MEAK7: variants seen among roughly 807,000 people sequenced by gnomAD.
The protein encoded by MEAK7 is MTOR-associated protein MEAK7.
In MEAK7, 68 loss-of-function variants were observed where a neutral mutation model predicts 40.5. The observed-to-expected ratio is 1.68, with a 90% CI of 1.38 to 2.06. The LOEUF is 2.06. MEAK7 is among the 30% of genes most tolerant of loss of function. MEAK7 has a pLI of 0.00. For missense variants in MEAK7, 918 were observed against 580.5 expected (o/e 1.58, Z -5.98); for synonymous variants, 338 against 231.9 (o/e 1.46, Z -4.16).
rs116780205 is a variant in MEAK7 at position 84,500,554 on chromosome 16, T to C, written c.-25-2443A>G. Among the ~76,000 whole-genome samples the C allele has an allele frequency of 2.5e-3, 377 of 152,246 alleles. 4 individuals carry two copies. Among genetic ancestry groups the C allele is most frequent in the African/African-American group, 8.9e-3 (368 of 41,522 alleles). The stretch of plus-strand genomic sequence containing the variant: ...GCACAGGAAGTCTCCACTGGGGGGC[T>C]CCTTGGAAGGGGATGGGGGTGCACT... On this transcript the variant is annotated intron_variant, in intron 1 of 7. Coordinates refer to ENST00000343629, the MANE Select transcript of MEAK7 (RefSeq NM_020947.4).
chr16:84,489,529 CCA>C, intron 3 of MEAK7, 107 bp from the exon 4 acceptor site: 1 of 1,295,952 alleles, frequency 7.7e-7, no homozygotes. Flanking sequence ...CTATGATGGG[CCA>C]CAATGTGGGG....
chr16:84,480,994 TA>T (rs1912486381), intron 6 of MEAK7, among the ~76,000 whole-genome samples: 1 of 152,144 alleles, frequency 6.6e-6, no homozygotes, highest in Non-Finnish European at 1.5e-5. Flanking sequence ...ATCAGAGAAT[TA>T]AAAATGTTAA....
chr16:84,484,264 T>C (rs56262517), intron 5 of MEAK7, among the ~76,000 whole-genome samples: 7,303 of 152,274 alleles, frequency 0.048, 225 homozygotes, highest in Non-Finnish European at 0.072. Context: ...TGAGTTATGA[T>C]TATCTGTGGA....
chr16:84,495,722 A>G lies in MEAK7; in HGVS notation c.345T>C (p.Ser115=). The G allele has an allele frequency of 6.2e-7, 1 of 1,614,098 alleles. No homozygotes were observed. The highest frequency in any genetic ancestry group is 8.5e-7 in the Non-Finnish European group (1 of 1,180,022). ...EKSLMIMKMI[S]ATEGPVKARE... is the part of the protein sequence containing the mutation. ...TGGCCTTCACGGGACCTTCTGTGGC[A>G]GAAATCATTTTCATAATCATGAGAC... Residue 115 remains serine (S), a synonymous_variant, in exon 3 of 8, where the codon TCT becomes TCC. Coordinates refer to ENST00000343629, the MANE Select transcript of MEAK7 (RefSeq NM_020947.4).
rs1912146304 is a variant in MEAK7 at position 84,477,163 on chromosome 16, G to A, written c.*2750C>T. 6.6e-6 allele frequency: 1 copy of A among 152,408 alleles called. No homozygotes were observed. Among genetic ancestry groups the A allele is most frequent in the Admixed American group, 6.6e-5 (1 of 15,266 alleles). The allele number at this position is 152,408 out of a possible 1,614,324, so 9.4% of individuals were successfully genotyped here. On this transcript the variant is annotated 3_prime_UTR_variant, in exon 8 of 8. Coordinates refer to ENST00000343629, the MANE Select transcript of MEAK7 (RefSeq NM_020947.4). Reference sequence around the variant, plus strand: ...GCCTGCCTCAAGCTCCCAAAATGCTGGGATTACAGGCGTGAGCCATCACAC... The same window carrying A: ...GCCTGCCTCAAGCTCCCAAAATGCTAGGATTACAGGCGTGAGCCATCACAC...
intron 3 of MEAK7, among the ~76,000 whole-genome samples, chr16:84,492,674 C>A (rs113129003): frequency 3.3e-5 from 5 of 152,038 alleles, no homozygotes; most frequent in African/African-American, 1.2e-4. Context: ...CTCCACCTCT[C>A]GAGTTCAAGC....
intron 7 of MEAK7, 48 bp from the exon 8 acceptor site, chr16:84,480,074 G>C (rs747970175): frequency 1.4e-6 from 2 of 1,438,540 alleles, no homozygotes; most frequent in East Asian, 2.4e-5. Context: ...GGCCCAACAA[G>C]AGGCAGCAGC....
At chr16:84,493,135 G>A (rs1913764560) in intron 3 of MEAK7, among the ~76,000 whole-genome samples, 1 of 152,160 alleles carries the variant, frequency 6.6e-6, no homozygotes, top group Admixed American at 6.5e-5. Flanking sequence ...AGATTCCTGT[G>A]ATTCTGATGT....
intron 3 of MEAK7, among the ~76,000 whole-genome samples, chr16:84,494,488 C>G (rs1913881643): frequency 6.6e-6 from 1 of 152,178 alleles, no homozygotes; most frequent in Non-Finnish European, 1.5e-5. Flanking sequence ...AAGCTGTGCT[C>G]TTCTTAAAGC....
At chr16:84,491,216 G>A (rs543746749) in intron 3 of MEAK7, among the ~76,000 whole-genome samples, 11 of 152,030 alleles carry the variant, frequency 7.2e-5, no homozygotes, top group Non-Finnish European at 1.3e-4. Context: ...AAGGCGAGTG[G>A]ATTACTTGAG....
chr16:84,480,751 C>T, intron 6 of MEAK7, 43 bp from the exon 7 acceptor site: 1 of 1,571,662 alleles, frequency 6.4e-7, no homozygotes, highest in Middle Eastern at 1.7e-4. Context: ...AGCAACTCCT[C>T]AGGGTCTGTG....
intron 1 of MEAK7, among the ~76,000 whole-genome samples, chr16:84,501,105 GAAAAAAAAAAA>G (rs35447624): frequency 9.6e-6 from 1 of 103,638 alleles, no homozygotes; most frequent in Admixed American, 1.3e-4. Context: ...AAAAAAAAAA[GAAAAAAAAAAA>G]AAAAAAAAAG....
chr16:84,492,675 G>A (rs781384950), intron 3 of MEAK7, among the ~76,000 whole-genome samples: 19 of 151,998 alleles, frequency 1.3e-4, no homozygotes, highest in African/African-American at 2.4e-4. Context: ...TCCACCTCTC[G>A]AGTTCAAGCG....
In MEAK7 at chr16:84,498,090, T is replaced by A; in HGVS notation, c.-4A>T. 1.9e-6 allele frequency: 3 copies of A among 1,579,742 alleles called. No homozygotes were observed. Among genetic ancestry groups the A allele is most frequent in the Non-Finnish European group, 2.6e-6 (3 of 1,164,434 alleles). ...CACGGCTTCTGCTGTTCCCCATCTG[T>A]CCTGATATCTGGCAGAATTCTCTGC... On this transcript the variant is annotated 5_prime_UTR_variant, in exon 2 of 8. Transcript: ENST00000343629.
chr16:84,479,477 C>CA lies in MEAK7; in HGVS notation c.*435_*436insT. ...TGCCAGCGGAATTCCCTAATGCCAG[C>CA]GGAATTCCCTAATGCCAGCGGAATT... On this transcript the variant is annotated 3_prime_UTR_variant, in exon 8 of 8. Coordinates refer to ENST00000343629, the MANE Select transcript of MEAK7 (RefSeq NM_020947.4). 1 of 131,716 alleles carries CA rather than the reference C, an allele frequency of 7.6e-6. No individual in the cohort carries two copies. The highest frequency in any genetic ancestry group is 3.0e-5 in the African/African-American group (1 of 32,896). The allele number at this position is 131,716 out of a possible 1,614,324, so 8.2% of individuals were successfully genotyped here. A position where few individuals can be genotyped will look rare whatever the true frequency, so the allele number is the denominator to read the frequency against.
In MEAK7 at chr16:84,486,928, G is replaced by C; in HGVS notation, c.661C>G (p.Leu221Val). The C allele has an allele frequency of 6.2e-7, 1 of 1,614,194 alleles. No homozygotes were observed. Among genetic ancestry groups the C allele is most frequent in the South Asian group, 1.1e-5 (1 of 91,076 alleles). The part of the protein sequence containing the change: ...SVVICKGFLI[L>V]CSSLDLTTLV... Reference sequence around the variant, plus strand: ...GTAGTCAGATCAAGAGACGAGCACAGGATGAGAAAGCCCTTGCAAATGACC... The same window carrying C: ...GTAGTCAGATCAAGAGACGAGCACACGATGAGAAAGCCCTTGCAAATGACC... The change falls in exon 5 of 8, where the codon CTG (leucine) becomes GTG (valine). Residue 221 changes from leucine (L) to valine (V), a missense_variant. Leu to Val is a conservative substitution (Grantham distance 32). Transcript: ENST00000343629.
intron 5 of MEAK7, among the ~76,000 whole-genome samples, chr16:84,485,673 C>CCTATCTATCTATCTAT (rs201436650): frequency 1.6e-4 from 23 of 147,634 alleles, no homozygotes; most frequent in Non-Finnish European, 3.2e-4. Flanking sequence ...CATCTATCTA[C>CCTATCTATCTATCTAT]CTATCTATCT....
At chr16:84,503,468 G>T (rs891592457) in intron 1 of MEAK7, among the ~76,000 whole-genome samples, 4 of 152,134 alleles carry the variant, frequency 2.6e-5, no homozygotes, top group African/African-American at 9.7e-5. Context: ...TATAATCAGA[G>T]TTGAGCCCAA....
At chr16:84,487,744 T>G (rs1913218548) in intron 4 of MEAK7, 1 of 152,376 alleles carries the variant, frequency 6.6e-6, no homozygotes, top group Non-Finnish European at 1.5e-5. Flanking sequence ...AGTAAGAGCG[T>G]GGGAGCACAC....
Sources: allele counts gnomAD v4.1 joint callset (sites outside exome capture counted in the v4.1 genomes callset), GRCh38; gene constraint gnomAD v4.1.1; transcripts MANE v1.5; gene names NCBI Gene and HGNC (gene_info 2026-07-23, HGNC 2026-07-21).